Variants in UNC13C observed in about 807,000 individuals in gnomAD.
UNC13C encodes protein unc-13 homolog C.
In UNC13C, 174 loss-of-function variants were observed where a neutral mutation model predicts 245.4. The observed-to-expected ratio is 0.71, with a 90% confidence interval of 0.63 to 0.80. UNC13C has a LOEUF of 0.80. Ranked by LOEUF, UNC13C falls within the 30% of genes least tolerant of loss-of-function variation. The pLI is 0.00. For synonymous variants in UNC13C, 992 were observed against 895.1 expected (o/e 1.11, Z -1.93); for missense variants, 2,829 against 2,602.9 (o/e 1.09, Z -1.89).
intron 8 of UNC13C, among the ~76,000 whole-genome samples, chr15:54,262,454 AC>A (rs2036450243): frequency 6.6e-6 from 1 of 152,210 alleles, no homozygotes; most frequent in Admixed American, 6.5e-5. Flanking sequence ...AATATTAACT[AC>A]TTGAATAAAA....
chr15:54,608,124 A>G (rs184678877), intron 30 of UNC13C, among the ~76,000 whole-genome samples: 1 of 152,300 alleles, frequency 6.6e-6, no homozygotes, highest in Admixed American at 6.5e-5. Context: ...TATGTATTCC[A>G]GGTCTTTTTC....
intron 4 of UNC13C, among the ~76,000 whole-genome samples, chr15:54,225,989 C>G (rs976467235): frequency 1.3e-5 from 2 of 152,060 alleles, no homozygotes; most frequent in Admixed American, 1.3e-4. Flanking sequence ...CCTTCAATAC[C>G]TAGTTTATTG....
chr15:54,470,592 CTT>C (rs1021813545), intron 19 of UNC13C, among the ~76,000 whole-genome samples: 15 of 140,052 alleles, frequency 1.1e-4, no homozygotes, highest in African/African-American at 3.5e-4. Flanking sequence ...TGTAATATCT[CTT>C]TTTTCATTTA....
chr15:54,460,830 G>T (rs1891805867), intron 19 of UNC13C, among the ~76,000 whole-genome samples: 1 of 152,176 alleles, frequency 6.6e-6, no homozygotes, highest in Non-Finnish European at 1.5e-5. Flanking sequence ...ATCCAAGTGG[G>T]AGCTGCACGT....
At chr15:54,425,429 G>C (rs1457319650) in intron 19 of UNC13C, among the ~76,000 whole-genome samples, 1 of 151,824 alleles carries the variant, frequency 6.6e-6, no homozygotes, top group Non-Finnish European at 1.5e-5. Flanking sequence ...CAAGTTATGA[G>C]GCTAAAGAAT....
the UNC13C span, among the ~76,000 whole-genome samples, chr15:53,882,742 C>T: frequency 1.3e-5 from 2 of 152,208 alleles, no homozygotes; most frequent in South Asian, 4.1e-4. Flanking sequence ...TCTTGAGTTA[C>T]GGATTGATAT....
chr15:54,589,288 TC>T (rs371489869), intron 30 of UNC13C, among the ~76,000 whole-genome samples: 5,497 of 109,918 alleles, frequency 0.05, 1,036 homozygotes, highest in Non-Finnish European at 0.079. Context: ...TTCTTCTTCT[TC>T]TTTTTTTTTT....
At chr15:54,231,985 A>G (rs974081543) in intron 4 of UNC13C, among the ~76,000 whole-genome samples, 10 of 152,076 alleles carry the variant, frequency 6.6e-5, no homozygotes, top group African/African-American at 2.4e-4. Context: ...TCCTGGTAAG[A>G]AGCCTCCCAA....
intron 17 of UNC13C, among the ~76,000 whole-genome samples, chr15:54,389,976 A>G (rs1049875016): frequency 1.3e-5 from 2 of 151,860 alleles, no homozygotes; most frequent in African/African-American, 4.8e-5. Context: ...TAATCCACCT[A>G]CCTCAGCCTC....
At chr15:54,359,570 G>T (rs532808756) in intron 17 of UNC13C, among the ~76,000 whole-genome samples, 2 of 151,944 alleles carry the variant, frequency 1.3e-5, no homozygotes, top group East Asian at 3.9e-4. Flanking sequence ...AGTCTTGGTA[G>T]GCTGTATGTG....
intron 2 of UNC13C, among the ~76,000 whole-genome samples, chr15:54,061,989 G>A (rs564982895): frequency 6.6e-6 from 1 of 152,148 alleles, no homozygotes; most frequent in African/African-American, 2.4e-5. Flanking sequence ...TGCCAAGATG[G>A]GGAGTGACTC....
At chr15:54,219,896 A>AT (rs2035168252) in intron 4 of UNC13C, among the ~76,000 whole-genome samples, 1 of 151,918 alleles carries the variant, frequency 6.6e-6, no homozygotes, top group Admixed American at 6.6e-5. Context: ...CCACAGTGAG[A>AT]TACCAACTCA....
chr15:54,053,176 G>T (rs1041493467), intron 2 of UNC13C, among the ~76,000 whole-genome samples: 6 of 139,834 alleles, frequency 4.3e-5, no homozygotes, highest in Non-Finnish European at 9.9e-5. Flanking sequence ...CACCACACCT[G>T]GCCAATTTAT....
At chr15:54,486,250 A>C (rs1234189637) in intron 19 of UNC13C, among the ~76,000 whole-genome samples, 1 of 131,996 alleles carries the variant, frequency 7.6e-6, no homozygotes, top group Non-Finnish European at 1.6e-5. Context: ...GATCTATTAA[A>C]ACACACACAC....
chr15:54,545,280 C>G (rs1205518863), intron 26 of UNC13C, among the ~76,000 whole-genome samples: 1 of 152,146 alleles, frequency 6.6e-6, no homozygotes, highest in Admixed American at 6.5e-5. Flanking sequence ...TTCCTTACAC[C>G]TTATACAAAA....
rs1299343019 is a variant in UNC13C, at chr15:54,628,128, AT to A, written c.*1018del. 6.6e-6 allele frequency: 1 copy of A among 151,946 alleles called. No homozygotes were observed. The allele number at this position is 151,946 out of a possible 1,614,324, so 9.4% of individuals were successfully genotyped here. A position where few individuals can be genotyped will look rare whatever the true frequency, so the allele number is the denominator to read the frequency against. On this transcript the variant is annotated 3_prime_UTR_variant, in exon 33 of 33. Coordinates refer to ENST00000260323, the MANE Select transcript of UNC13C (RefSeq NM_001080534.3). ...AATTGCTTAAAATTTTGTAATTTGT[AT>A]TTATAAGCCCCAAATGCATCAAATG...
chr15:54,513,926 A>C (rs775200236), intron 24 of UNC13C, among the ~76,000 whole-genome samples: 5 of 151,774 alleles, frequency 3.3e-5, no homozygotes, highest in Non-Finnish European at 7.4e-5. Flanking sequence ...TTCAGCTCAA[A>C]GTTTTAGGTA....
At chr15:54,545,764 C>T (rs564785142) in intron 26 of UNC13C, among the ~76,000 whole-genome samples, 71 of 152,214 alleles carry the variant, frequency 4.7e-4, no homozygotes, top group Admixed American at 3.1e-3. Flanking sequence ...AAATCAAAAC[C>T]ACAGTGAGAT....
At chr15:54,105,145 TA>T (rs1472122929) in intron 2 of UNC13C, among the ~76,000 whole-genome samples, 1 of 152,216 alleles carries the variant, frequency 6.6e-6, no homozygotes, top group Admixed American at 6.5e-5. Context: ...TTTAACTTTT[TA>T]ATTTTTATCT....
Sources: allele counts gnomAD v4.1 joint callset (sites outside exome capture counted in the v4.1 genomes callset), GRCh38; gene constraint gnomAD v4.1.1; transcripts MANE v1.5; gene names NCBI Gene and HGNC (gene_info 2026-07-23, HGNC 2026-07-21).